The following CSMD1 variants were observed in gnomAD, a reference collection of about 807,000 sequenced individuals.
CSMD1 encodes CUB and Sushi multiple domains 1, also known as CUB and sushi domain-containing protein 1.
CSMD1 carries 213 observed loss-of-function variants against 417.5 expected under a neutral mutation model. That is an observed-to-expected ratio of 0.51 (90% CI 0.46 to 0.57). The LOEUF (loss-of-function observed/expected upper bound fraction) is 0.57. Among genes scored for constraint, CSMD1 ranks in the 20% least tolerant of loss-of-function variants. CSMD1 has a pLI of 0.00. For missense variants in CSMD1, 6,923 were observed against 4,529.7 expected (o/e 1.53, Z -15.17); for synonymous variants, 2,862 against 1,736.8 (o/e 1.65, Z -16.11).
At chr8:4,709,912 T>G (rs544929013) in intron 1 of CSMD1, among the ~76,000 whole-genome samples, 17 of 152,188 alleles carry the variant, frequency 1.1e-4, no homozygotes, top group Non-Finnish European at 2.4e-4. Flanking sequence ...GGCCCAAGGA[T>G]TGAAAAACTA....
chr8:2,942,372 T>A, intron 69 of CSMD1, 100 bp downstream of exon 69: 1 of 991,908 alleles, frequency 1.0e-6, no homozygotes, highest in Non-Finnish European at 1.4e-6. Context: ...TGCATAGTAA[T>A]ATAAAATACA....
chr8:4,121,647 C>T (rs1323266710), intron 3 of CSMD1, among the ~76,000 whole-genome samples: 3 of 148,124 alleles, frequency 2.0e-5, no homozygotes, highest in South Asian at 4.3e-4. Flanking sequence ...AGTGGGAATT[C>T]TTAGGAAACT....
At chr8:3,782,767 C>A (rs1412772460) in intron 5 of CSMD1, among the ~76,000 whole-genome samples, 1 of 152,116 alleles carries the variant, frequency 6.6e-6, no homozygotes, top group Non-Finnish European at 1.5e-5. Context: ...GAATAGAGAT[C>A]TAAATAAACT....
chr8:4,245,542 G>A (rs1250174235), intron 3 of CSMD1, among the ~76,000 whole-genome samples: 1 of 152,160 alleles, frequency 6.6e-6, no homozygotes, highest in Non-Finnish European at 1.5e-5. Flanking sequence ...ATGCTGGGAT[G>A]CTAAACATGA....
At chr8:3,936,939 G>C (rs887915890) in intron 5 of CSMD1, among the ~76,000 whole-genome samples, 2 of 152,146 alleles carry the variant, frequency 1.3e-5, no homozygotes, top group African/African-American at 4.8e-5. Context: ...CATGGGAAGA[G>C]GTCAAAATAC....
At position 3,813,343 on chromosome 8, in the gene CSMD1, A is replaced by C. The variant is rs150788434; in HGVS notation, c.819-59301T>G. 5.3e-5 allele frequency among the ~76,000 whole-genome samples: 8 copies of C among 152,266 alleles called. No homozygotes were observed. In the East Asian group the frequency reaches 1.5e-3, roughly 29 times the overall value. On this transcript the variant is annotated intron_variant, in intron 5 of 69. Transcript: ENST00000635120. ...CATATGATCTGTTATACTGCAAGTAAATTTGATTTTGCAATGATGTGAAGT... is the reference window on the plus strand; with the variant it reads ...CATATGATCTGTTATACTGCAAGTACATTTGATTTTGCAATGATGTGAAGT...
chr8:3,296,432 C>G (rs754594998), intron 25 of CSMD1, among the ~76,000 whole-genome samples: 2 of 152,088 alleles, frequency 1.3e-5, no homozygotes, highest in Non-Finnish European at 2.9e-5. Context: ...AGAGAGGTGC[C>G]TACGCACAGA....
At chr8:4,547,993 A>T (rs1797705179) in intron 2 of CSMD1, among the ~76,000 whole-genome samples, 1 of 152,124 alleles carries the variant, frequency 6.6e-6, no homozygotes, top group East Asian at 1.9e-4. Context: ...TAGGCCAGGC[A>T]CTCCCAAGCA....
rs1481422805 is a variant in CSMD1 at position 3,254,696 on chromosome 8, T to C, written c.4154-24465A>G. Among the ~76,000 whole-genome samples, 11 of 152,342 alleles carry C rather than the reference T, an allele frequency of 7.2e-5. No individual in the cohort carries two copies. The East Asian group carries it at 2.1e-3, about 29-fold the overall frequency. On this transcript the variant is annotated intron_variant, in intron 26 of 69. Transcript: ENST00000635120. Reference sequence around the variant, plus strand: ...GAGACTTGTGCATTTGTCACTTAGTTCTCGAGCCTTGGTTTTCAGCTCCGT... The same window carrying C: ...GAGACTTGTGCATTTGTCACTTAGTCCTCGAGCCTTGGTTTTCAGCTCCGT...
At chr8:4,230,166 G>T (rs1264458137) in intron 3 of CSMD1, among the ~76,000 whole-genome samples, 1 of 152,116 alleles carries the variant, frequency 6.6e-6, no homozygotes, top group Non-Finnish European at 1.5e-5. Flanking sequence ...GGGTATGTTT[G>T]AATTGATATT....
intron 21 of CSMD1, among the ~76,000 whole-genome samples, chr8:3,351,781 T>C (rs1242454729): frequency 6.7e-6 from 1 of 149,112 alleles, no homozygotes; most frequent in Non-Finnish European, 1.5e-5. Context: ...ATATATTAAA[T>C]ACACATGTAT....
intron 5 of CSMD1, among the ~76,000 whole-genome samples, chr8:3,889,539 A>C (rs1806810318): frequency 9.7e-6 from 1 of 103,178 alleles, no homozygotes; most frequent in Non-Finnish European, 2.2e-5. Context: ...ATACATACAC[A>C]CATATGTGTA....
chr8:3,622,446 T>C (rs1796300218), intron 7 of CSMD1, among the ~76,000 whole-genome samples: 1 of 152,212 alleles, frequency 6.6e-6, no homozygotes, highest in Admixed American at 6.5e-5. Flanking sequence ...CATGTCTCCT[T>C]TTCTATTTTT....
chr8:4,468,295 G>C (rs145286849), intron 2 of CSMD1, among the ~76,000 whole-genome samples: 21 of 152,256 alleles, frequency 1.4e-4, no homozygotes, highest in African/African-American at 5.1e-4. Flanking sequence ...ACTTGAGAAA[G>C]TGTTGATCTT....
At chr8:3,460,591 A>T (rs17066189) in intron 12 of CSMD1, among the ~76,000 whole-genome samples, 4,564 of 152,268 alleles carry the variant, frequency 0.03, 128 homozygotes, top group East Asian at 0.12. Context: ...GTGGAAGCCG[A>T]CTAAGGGTAA....
In CSMD1 at chr8:4,657,343, G is replaced by A. The variant is rs183427009; in HGVS notation, c.86-19785C>T. On this transcript the variant is annotated intron_variant, in intron 1 of 69. Transcript: ENST00000635120. ...AAGGGTCAACTGGCAGACTGAGAGA[G>A]GATTTTCATTTTTGTTTTGTATTTC... 3.9e-5 allele frequency among the ~76,000 whole-genome samples: 6 copies of A among 152,216 alleles called. No homozygotes were observed. The East Asian group carries it at 9.7e-4, about 25-fold the overall frequency.
At chr8:3,138,978 A>C (rs1441260242) in intron 41 of CSMD1, among the ~76,000 whole-genome samples, 1 of 152,202 alleles carries the variant, frequency 6.6e-6, no homozygotes, top group Non-Finnish European at 1.5e-5. Context: ...TTCTAGGAGA[A>C]AGGTCTGAGA....
chr8:3,456,524 G>C (rs1024346120), intron 12 of CSMD1, among the ~76,000 whole-genome samples: 2 of 152,058 alleles, frequency 1.3e-5, no homozygotes, highest in Non-Finnish European at 2.9e-5. Flanking sequence ...TGTGCTTTGT[G>C]GTTATCTAAG....
At chr8:4,335,094 G>C (rs1461404568) in intron 3 of CSMD1, among the ~76,000 whole-genome samples, 1 of 152,056 alleles carries the variant, frequency 6.6e-6, no homozygotes, top group Admixed American at 6.6e-5. Flanking sequence ...TAGAGACAGA[G>C]CCACACAATG....
Sources: gnomAD v4.1 joint callset for allele counts (sites outside exome capture counted in the v4.1 genomes callset) on GRCh38, gnomAD v4.1.1 for gene constraint, MANE v1.5 for transcripts, NCBI Gene and HGNC (gene_info 2026-07-23, HGNC 2026-07-21) for gene names.